Variants in HTR1F observed in about 807,000 individuals in gnomAD.
HTR1F encodes 5-hydroxytryptamine (serotonin) receptor 1F, G protein-coupled.
HTR1F carries 17 observed loss-of-function variants against 24.0 expected under a neutral mutation model. The observed-to-expected ratio is 0.71, with a 90% CI of 0.48 to 1.06. The LOEUF is 1.06. HTR1F is among the 50% of genes least tolerant of loss of function. HTR1F has a pLI of 0.00. For synonymous variants in HTR1F, 186 were observed against 156.8 expected, an observed-to-expected ratio of 1.19 and a Z score of -1.39; for missense variants, 391 against 427.8, an observed-to-expected ratio of 0.91 and a Z score of 0.76.
chr3:87,983,020 A>T (rs1464339737), intron 2 of HTR1F, among the ~76,000 whole-genome samples: 1 of 152,196 alleles, frequency 6.6e-6, no homozygotes, highest in Admixed American at 6.5e-5. Flanking sequence ...GCACGTGAAT[A>T]TATTTTGCTT....
chr3:87,912,073 A>G (rs531785842), intron 2 of HTR1F, among the ~76,000 whole-genome samples: 2 of 152,122 alleles, frequency 1.3e-5, no homozygotes, highest in Non-Finnish European at 2.9e-5. Flanking sequence ...CAGAGCAATC[A>G]GACAAGAGAA....
chr3:87,853,520 G>A (rs1319273776), intron 2 of HTR1F, among the ~76,000 whole-genome samples: 1 of 152,004 alleles, frequency 6.6e-6, no homozygotes, highest in African/African-American at 2.4e-5. Context: ...TAATAGTGCT[G>A]CAATGAACAT....
At chr3:87,922,612 C>A (rs1704034308) in intron 2 of HTR1F, among the ~76,000 whole-genome samples, 1 of 151,878 alleles carries the variant, frequency 6.6e-6, no homozygotes, top group African/African-American at 2.4e-5. Flanking sequence ...CAATGTCCTG[C>A]AGCATTTACT....
chr3:87,841,429 A>G (rs1156612802), intron 2 of HTR1F, among the ~76,000 whole-genome samples: 1 of 151,928 alleles, frequency 6.6e-6, no homozygotes, highest in Non-Finnish European at 1.5e-5. Flanking sequence ...ATTGCATTAT[A>G]TGTTTAACAG....
intron 1 of HTR1F, among the ~76,000 whole-genome samples, chr3:87,808,690 A>C (rs1171461111): frequency 6.6e-6 from 1 of 151,722 alleles, no homozygotes; most frequent in Non-Finnish European, 1.5e-5. Flanking sequence ...TAGTTCTTCA[A>C]AGTGCATTTT....
At chr3:87,861,116 C>G (rs1035334618) in intron 2 of HTR1F, among the ~76,000 whole-genome samples, 2 of 152,114 alleles carry the variant, frequency 1.3e-5, no homozygotes, top group African/African-American at 4.8e-5. Context: ...AAGATCGCAC[C>G]ACTGCAGTCC....
At chr3:87,855,325 A>C (rs1006127433) in intron 2 of HTR1F, among the ~76,000 whole-genome samples, 9 of 152,108 alleles carry the variant, frequency 5.9e-5, no homozygotes, top group Non-Finnish European at 8.8e-5. Context: ...CATAATATTA[A>C]TCTTTTCCTC....
At chr3:87,812,930 T>G (rs1020628031) in intron 1 of HTR1F, among the ~76,000 whole-genome samples, 5 of 152,260 alleles carry the variant, frequency 3.3e-5, no homozygotes, top group African/African-American at 1.2e-4. Context: ...AATTGAGGTT[T>G]GGGAACCTCC....
At chr3:87,889,500 A>G (rs1322706134) in intron 2 of HTR1F, among the ~76,000 whole-genome samples, 3 of 152,148 alleles carry the variant, frequency 2.0e-5, no homozygotes, top group Non-Finnish European at 2.9e-5. Context: ...TTAAGCATAG[A>G]AAACATCTCT....
chr3:87,839,054 T>G (rs1349537485), intron 2 of HTR1F, among the ~76,000 whole-genome samples: 3 of 151,454 alleles, frequency 2.0e-5, no homozygotes, highest in Admixed American at 2.0e-4. Context: ...AGAAGCCTTT[T>G]AGTTTGATTT....
chr3:87,920,269 G>A (rs1351932017), intron 2 of HTR1F, among the ~76,000 whole-genome samples: 1 of 151,838 alleles, frequency 6.6e-6, no homozygotes, highest in Admixed American at 6.6e-5. Flanking sequence ...GGAAGGGGGT[G>A]AGGGATAAAA....
chr3:87,883,647 C>A (rs888114696), intron 2 of HTR1F, among the ~76,000 whole-genome samples: 1 of 152,010 alleles, frequency 6.6e-6, no homozygotes, highest in Non-Finnish European at 1.5e-5. Flanking sequence ...GTAGAGAAGA[C>A]CTTGACCTGA....
intron 2 of HTR1F, among the ~76,000 whole-genome samples, chr3:87,830,935 A>G (rs1264006721): frequency 6.6e-6 from 1 of 152,220 alleles, no homozygotes; most frequent in Non-Finnish European, 1.5e-5. Context: ...TGAAGTAGAA[A>G]TTAGTTTTAA....
intron 2 of HTR1F, among the ~76,000 whole-genome samples, chr3:87,974,158 T>C (rs1247488532): frequency 6.6e-6 from 1 of 152,216 alleles, no homozygotes; most frequent in Non-Finnish European, 1.5e-5. Context: ...CAGATCCTAT[T>C]ACCCACCTCA....
At chr3:87,843,496 C>A (rs966011471) in intron 2 of HTR1F, among the ~76,000 whole-genome samples, 1 of 149,698 alleles carries the variant, frequency 6.7e-6, no homozygotes, top group Non-Finnish European at 1.5e-5. Flanking sequence ...CCTTCACCAT[C>A]CTGACTTTCT....
At chr3:87,824,629 C>A (rs1209917877) in intron 2 of HTR1F, among the ~76,000 whole-genome samples, 1 of 152,104 alleles carries the variant, frequency 6.6e-6, no homozygotes, top group Non-Finnish European at 1.5e-5. Flanking sequence ...TAATATGAAT[C>A]CCTGAATGAA....
chr3:87,962,359 C>T (rs1705080272), intron 2 of HTR1F, among the ~76,000 whole-genome samples: 1 of 152,004 alleles, frequency 6.6e-6, no homozygotes, highest in Non-Finnish European at 1.5e-5. Context: ...TTTCAAACTG[C>T]AATTTATTTG....
At chr3:87,937,014 G>A (rs758089677) in intron 2 of HTR1F, among the ~76,000 whole-genome samples, 7 of 147,834 alleles carry the variant, frequency 4.7e-5, no homozygotes, top group African/African-American at 7.6e-5. Flanking sequence ...TCCCAGAACC[G>A]GATAGATCCA....
intron 2 of HTR1F, among the ~76,000 whole-genome samples, chr3:87,923,659 A>C (rs1270169537): frequency 6.6e-6 from 1 of 151,908 alleles, no homozygotes; most frequent in Non-Finnish European, 1.5e-5. Flanking sequence ...CATTGTTTTG[A>C]AGTATGTTTC....
Sources: allele counts gnomAD v4.1 joint callset (sites outside exome capture counted in the v4.1 genomes callset), GRCh38; gene constraint gnomAD v4.1.1; transcripts MANE v1.5; gene names NCBI Gene and HGNC (gene_info 2026-07-23, HGNC 2026-07-21).